Variants in DLGAP2 observed in about 807,000 individuals in gnomAD.
DLGAP2 encodes the protein disks large-associated protein 2.
In DLGAP2, 26 loss-of-function variants were observed where a neutral mutation model predicts 100.3. The ratio of observed to expected loss-of-function variants is 0.26; its 90% CI spans 0.19 to 0.36. The LOEUF (loss-of-function observed/expected upper bound fraction) is 0.36. Among genes scored for constraint, DLGAP2 ranks in the 10% least tolerant of loss-of-function variants. The probability of loss-of-function intolerance (pLI) is 1.00; values close to 1 mark genes in which losing one functional copy is unlikely to be tolerated. For missense variants in DLGAP2, 1,858 were observed against 1,453.2 expected (o/e 1.28, Z -4.53); for synonymous variants, 886 against 630.1 (o/e 1.41, Z -6.08).
intron 2 of DLGAP2, among the ~76,000 whole-genome samples, chr8:918,450 G>A (rs913377557): frequency 6.6e-6 from 1 of 152,184 alleles, no homozygotes; most frequent in East Asian, 1.9e-4. Flanking sequence ...TTTTCTGATT[G>A]TGTAGACTGG....
chr8:1,045,240 G>A (rs746666077), intron 2 of DLGAP2, among the ~76,000 whole-genome samples: 2 of 152,128 alleles, frequency 1.3e-5, no homozygotes, highest in South Asian at 2.1e-4. Context: ...TTATGAAAGC[G>A]GACAGCGGTA....
intron 3 of DLGAP2, among the ~76,000 whole-genome samples, chr8:1,468,492 C>T (rs574665497): frequency 6.6e-6 from 1 of 152,344 alleles, no homozygotes; most frequent in African/African-American, 2.4e-5. Context: ...CCGGGCTGGC[C>T]CTGAGTCCTT....
At chr8:1,219,266 A>T (rs987475405) in intron 2 of DLGAP2, among the ~76,000 whole-genome samples, 2 of 152,142 alleles carry the variant, frequency 1.3e-5, no homozygotes, top group African/African-American at 4.8e-5. Flanking sequence ...TTTGTCATAG[A>T]TGGCTCTTAT....
chr8:1,667,709 A>G (rs1299875905), intron 8 of DLGAP2, among the ~76,000 whole-genome samples: 2 of 152,166 alleles, frequency 1.3e-5, no homozygotes, highest in Admixed American at 6.5e-5. Flanking sequence ...GTACAAATAG[A>G]TTCCATCTTG....
intron 3 of DLGAP2, among the ~76,000 whole-genome samples, chr8:1,476,306 A>T (rs927258115): frequency 1.4e-4 from 21 of 152,310 alleles, no homozygotes; most frequent in African/African-American, 5.1e-4. Context: ...TTACACATAC[A>T]TCTACGTGAG....
chr8:1,232,907 C>T (rs944373119), intron 2 of DLGAP2, among the ~76,000 whole-genome samples: 8 of 152,188 alleles, frequency 5.3e-5, no homozygotes, highest in African/African-American at 1.9e-4. Flanking sequence ...AATATTTTAT[C>T]ATCATTAGTA....
intron 3 of DLGAP2, among the ~76,000 whole-genome samples, chr8:1,438,376 T>A (rs1276473204): frequency 6.6e-6 from 1 of 152,144 alleles, no homozygotes; most frequent in Non-Finnish European, 1.5e-5. Flanking sequence ...TCTCATCAGA[T>A]TCGCTGCTTA....
At chr8:1,264,897 G>A (rs1799421690) in intron 3 of DLGAP2, among the ~76,000 whole-genome samples, 1 of 152,260 alleles carries the variant, frequency 6.6e-6, no homozygotes, top group South Asian at 2.1e-4. Flanking sequence ...TAGTGAATAA[G>A]CCTCATGAGA....
intron 2 of DLGAP2, among the ~76,000 whole-genome samples, chr8:1,049,966 A>G (rs1239848416): frequency 6.6e-6 from 1 of 152,220 alleles, no homozygotes; most frequent in Non-Finnish European, 1.5e-5. Context: ...GCTGTCACAC[A>G]CATGTGCCTA....
rs558949449 is a variant in DLGAP2 at position 1,633,821 on chromosome 8, A to G, written c.1810+775A>G. 3.9e-5 allele frequency among the ~76,000 whole-genome samples: 6 copies of G among 152,318 alleles called. No individual in the cohort carries two copies. The Middle Eastern group carries it at 0.01, about 259-fold the overall frequency. ...AGAGGGCTTGGAATGCTGCAGCTGT[A>G]TCTTAGAAATTTAAAGGACAGCTCC... is the stretch of plus-strand genomic sequence containing the variant. On this transcript the variant is annotated intron_variant, in intron 8 of 14. Coordinates refer to ENST00000637795, the MANE Select transcript of DLGAP2 (RefSeq NM_001346810.2).
At chr8:1,408,143 A>T (rs1796625996) in intron 3 of DLGAP2, among the ~76,000 whole-genome samples, 1 of 152,136 alleles carries the variant, frequency 6.6e-6, no homozygotes, top group Non-Finnish European at 1.5e-5. Flanking sequence ...TCTCTGGCTC[A>T]CTCTTTCTTT....
intron 4 of DLGAP2, among the ~76,000 whole-genome samples, chr8:1,545,328 TTA>T (rs1332714971): frequency 6.6e-6 from 1 of 152,234 alleles, no homozygotes; most frequent in African/African-American, 2.4e-5. Context: ...ATTTTTATTG[TTA>T]TACTTACAAT....
At chr8:1,343,889 T>C (rs1433888641) in intron 3 of DLGAP2, among the ~76,000 whole-genome samples, 1 of 152,144 alleles carries the variant, frequency 6.6e-6, no homozygotes, top group Non-Finnish European at 1.5e-5. Flanking sequence ...CCTCTCACGC[T>C]TCTCACGGGT....
intron 6 of DLGAP2, among the ~76,000 whole-genome samples, chr8:1,584,839 T>C (rs1311643600): frequency 6.6e-6 from 1 of 152,192 alleles, no homozygotes; most frequent in African/African-American, 2.4e-5. Flanking sequence ...TATCTTACCT[T>C]ACATCTCTTC....
At chr8:1,294,727 G>A (rs1469755715) in intron 3 of DLGAP2, among the ~76,000 whole-genome samples, 1 of 152,092 alleles carries the variant, frequency 6.6e-6, no homozygotes, top group East Asian at 1.9e-4. Flanking sequence ...ATTTTGGCTG[G>A]GTGTGGTGGT....
chr8:1,525,857 C>T (rs79518091), intron 4 of DLGAP2, among the ~76,000 whole-genome samples: 1,612 of 152,136 alleles, frequency 0.011, 33 homozygotes, highest in African/African-American at 0.037. Context: ...TGACGTTGGG[C>T]GGTGATGGGA....
At chr8:1,513,153 C>T (rs1448752223) in intron 4 of DLGAP2, among the ~76,000 whole-genome samples, 1 of 151,428 alleles carries the variant, frequency 6.6e-6, no homozygotes, top group East Asian at 1.9e-4. Context: ...AAGCGTCTGC[C>T]TTTCCCAGTG....
intron 3 of DLGAP2, among the ~76,000 whole-genome samples, chr8:1,377,554 A>G (rs1183072200): frequency 2.6e-5 from 4 of 152,084 alleles, no homozygotes; most frequent in African/African-American, 9.7e-5. Flanking sequence ...AAAAAAATAA[A>G]TAAAATAAAA....
At chr8:1,247,264 T>C (rs1393481828) in intron 2 of DLGAP2, among the ~76,000 whole-genome samples, 4 of 107,334 alleles carry the variant, frequency 3.7e-5, no homozygotes, top group African/African-American at 1.9e-4. Context: ...GAGATCAGTG[T>C]GGGAGTGAGA....
Sources: gnomAD v4.1 joint callset for allele counts (sites outside exome capture counted in the v4.1 genomes callset) on GRCh38, gnomAD v4.1.1 for gene constraint, MANE v1.5 for transcripts, NCBI Gene and HGNC (gene_info 2026-07-23, HGNC 2026-07-21) for gene names.